The following EEPD1 variants were observed in gnomAD, a reference collection of about 807,000 sequenced individuals.
The protein encoded by EEPD1 is endonuclease/exonuclease/phosphatase family domain containing 1.
EEPD1 carries 17 observed loss-of-function variants against 46.3 expected under a neutral mutation model. The ratio of observed to expected loss-of-function variants is 0.37; its 90% confidence interval spans 0.25 to 0.55. EEPD1 has a LOEUF of 0.55. Among genes scored for constraint, EEPD1 ranks in the 20% least tolerant of loss-of-function variants. The pLI is 0.83. For synonymous variants in EEPD1, 313 were observed against 315.6 expected (o/e 0.99, Z 0.09); for missense variants, 673 against 745.6 (o/e 0.90, Z 1.13).
rs187712024 is a variant in EEPD1, at chr7:36,212,271, T to G, written c.879-26714T>G. Among the ~76,000 whole-genome samples the G allele has an allele frequency of 2.0e-3, 303 of 152,140 alleles. 1 individual carries two copies. Among genetic ancestry groups the G allele is most frequent in the Non-Finnish European group, 3.0e-3 (206 of 67,978 alleles). On this transcript the variant is annotated intron_variant, in intron 2 of 7. Transcript: ENST00000242108. ...TAAGAAAGATACATTTCTAAATTGC[T>G]GGGGGGAGTGTAGCTAGAAATAGCT...
At chr7:36,251,019 T>C (rs917223762) in intron 3 of EEPD1, among the ~76,000 whole-genome samples, 2 of 152,210 alleles carry the variant, frequency 1.3e-5, no homozygotes, top group Non-Finnish European at 2.9e-5. Flanking sequence ...TAGAGTCCAG[T>C]CAGATTTTAG....
At chr7:36,234,267 A>G (rs1032014184) in intron 2 of EEPD1, among the ~76,000 whole-genome samples, 2 of 152,102 alleles carry the variant, frequency 1.3e-5, no homozygotes, top group Non-Finnish European at 2.9e-5. Flanking sequence ...GAAAACTTTC[A>G]TTGCACTTCT....
intron 6 of EEPD1, among the ~76,000 whole-genome samples, chr7:36,292,479 C>G (rs985265612): frequency 6.8e-6 from 1 of 147,426 alleles, no homozygotes; most frequent in Non-Finnish European, 1.5e-5. Flanking sequence ...CTCTCTCTCT[C>G]TCTTTCTCTC....
At chr7:36,242,400 G>T (rs72622369) in intron 3 of EEPD1, among the ~76,000 whole-genome samples, 18,286 of 152,002 alleles carry the variant, frequency 0.12, 1,162 homozygotes, top group East Asian at 0.22. Context: ...TGTGTACAGG[G>T]GCCAGCAGGG....
At position 36,245,361 on chromosome 7, in the gene EEPD1, G is replaced by C. The variant is rs188555446; in HGVS notation, c.930+6325G>C. 1.9e-3 allele frequency among the ~76,000 whole-genome samples: 282 copies of C among 152,230 alleles called. 1 individual carries two copies. The highest frequency in any genetic ancestry group is 3.4e-3 in the Non-Finnish European group (232 of 68,002). On this transcript the variant is annotated intron_variant, in intron 3 of 7. Transcript: ENST00000242108. ...CCAGTGGTCCTTACTGTGTTTGGGG[G>C]CTTTCCTGTTTCACCTGCCCTACTT...
rs1787572465 is a variant in EEPD1, at chr7:36,299,006, G to A, written c.1511-1G>A. On this transcript the variant is annotated splice_acceptor_variant, in intron 7 of 7. Transcript: ENST00000242108. LOFTEE classifies it high-confidence loss of function. ...GGTCTCTTTCCTTCCTCTCCCTTCA[G>A]GTCACTGGGCTGTGGTGAGAGAAGG... 6.2e-7 allele frequency: 1 copy of A among 1,613,816 alleles called. No homozygotes were observed.
intron 6 of EEPD1, among the ~76,000 whole-genome samples, chr7:36,289,643 C>T (rs1160218077): frequency 2.0e-5 from 3 of 152,318 alleles, no homozygotes; most frequent in South Asian, 2.1e-4. Context: ...TATAGGCGCC[C>T]GCCACCGCGC....
intron 7 of EEPD1, among the ~76,000 whole-genome samples, chr7:36,298,490 T>C (rs989104257): frequency 6.6e-6 from 1 of 152,250 alleles, no homozygotes; most frequent in African/African-American, 2.4e-5. Flanking sequence ...TATATTCAAA[T>C]ATACTTCCTG....
intron 3 of EEPD1, among the ~76,000 whole-genome samples, chr7:36,263,345 A>C (rs555053907): frequency 6.6e-6 from 1 of 151,590 alleles, no homozygotes. Context: ...GAGGGGGGGG[A>C]AAAAGCAGAG....
chr7:36,285,205 C>T (rs1484233288), intron 5 of EEPD1, among the ~76,000 whole-genome samples: 1 of 152,176 alleles, frequency 6.6e-6, no homozygotes, highest in African/African-American at 2.4e-5. Context: ...TTTCCAAAAG[C>T]CCCTTCAGTG....
intron 3 of EEPD1, among the ~76,000 whole-genome samples, chr7:36,275,606 C>T (rs1787169639): frequency 6.6e-6 from 1 of 152,066 alleles, no homozygotes; most frequent in Admixed American, 6.5e-5. Flanking sequence ...GCCACCACGC[C>T]TGGTGTGTAT....
chr7:36,215,100 A>G (rs575527197), intron 2 of EEPD1, among the ~76,000 whole-genome samples: 5 of 152,344 alleles, frequency 3.3e-5, no homozygotes, highest in African/African-American at 9.6e-5. Context: ...GGTTTCATGC[A>G]TAGCAGCTGG....
chr7:36,283,679 G>A (rs1329263099), intron 4 of EEPD1, among the ~76,000 whole-genome samples: 1 of 152,190 alleles, frequency 6.6e-6, no homozygotes, highest in African/African-American at 2.4e-5. Context: ...TTCAAATATA[G>A]AAGTGCACAG....
intron 2 of EEPD1, among the ~76,000 whole-genome samples, chr7:36,197,021 G>A (rs1326348706): frequency 3.3e-5 from 5 of 149,940 alleles, no homozygotes; most frequent in African/African-American, 4.9e-5. Flanking sequence ...CCTCTGCCCC[G>A]CCGCCCCGTC....
At chr7:36,202,351 G>A (rs1583806174) in intron 2 of EEPD1, among the ~76,000 whole-genome samples, 1 of 152,168 alleles carries the variant, frequency 6.6e-6, no homozygotes, top group African/African-American at 2.4e-5. Flanking sequence ...GGGTTTCCTG[G>A]CCAGGATCTT....
At chr7:36,175,800 C>T (rs1023860178) in intron 2 of EEPD1, among the ~76,000 whole-genome samples, 11 of 152,122 alleles carry the variant, frequency 7.2e-5, no homozygotes, top group African/African-American at 7.2e-5. Flanking sequence ...GTACAAGGAG[C>T]GGTGCCACCA....
intron 2 of EEPD1, among the ~76,000 whole-genome samples, chr7:36,218,612 G>A (rs763127974): frequency 1.2e-4 from 18 of 152,154 alleles, no homozygotes; most frequent in Non-Finnish European, 2.1e-4. Context: ...ACACAGCGGT[G>A]CAGTGTGAGA....
intron 2 of EEPD1, among the ~76,000 whole-genome samples, chr7:36,200,159 G>A (rs934425553): frequency 6.6e-6 from 1 of 151,728 alleles, no homozygotes. Flanking sequence ...TAAACCCCTA[G>A]TGTGTGTTGT....
chr7:36,171,069 G>C (rs773365506), intron 2 of EEPD1, among the ~76,000 whole-genome samples: 1 of 152,050 alleles, frequency 6.6e-6, no homozygotes, highest in African/African-American at 2.4e-5. Context: ...CTACAGGTGT[G>C]CACCACCACA....
Sources: allele counts gnomAD v4.1 joint callset (sites outside exome capture counted in the v4.1 genomes callset), GRCh38; gene constraint gnomAD v4.1.1; transcripts MANE v1.5; gene names NCBI Gene and HGNC (gene_info 2026-07-23, HGNC 2026-07-21).